Variants in FAM162B observed in about 807,000 individuals in gnomAD.
FAM162B encodes protein FAM162B.
FAM162B carries 16 observed loss-of-function variants against 20.0 expected under a neutral mutation model. The observed-to-expected ratio is 0.80, with a 90% CI of 0.54 to 1.21. The LOEUF is 1.21. Among genes scored for constraint, FAM162B ranks in the 50% most tolerant of loss-of-function variants. The pLI is 0.00. For synonymous variants in FAM162B, 83 were observed against 89.7 expected (o/e 0.93, Z 0.42); for missense variants, 260 against 227.5 (o/e 1.14, Z -0.92).
intron 2 of FAM162B, 37 bp downstream of exon 2, chr6:116,765,110 G>T: frequency 6.2e-7 from 1 of 1,601,574 alleles, no homozygotes. Context: ...TGCGGCCGGG[G>T]ACCGACTCTC....
intron 3 of FAM162B, 143 bp downstream of exon 3, chr6:116,761,834 A>G: frequency 1.9e-6 from 1 of 522,686 alleles, no homozygotes; most frequent in Non-Finnish European, 3.3e-6. Flanking sequence ...AATCGAGAAC[A>G]ATGTCCATGA....
At position 116,765,297 on chromosome 6, in the gene FAM162B, C is replaced by G. The variant is rs1192675945; in HGVS notation, c.173-42G>C. On this transcript the variant is annotated intron_variant, in intron 1 of 3. Coordinates refer to ENST00000368557, the MANE Select transcript of FAM162B (RefSeq NM_001085480.3). ...CCAGATGGACGCGGGAACTGACGCA[C>G]CGGCACAGAGGATCAGCGCGCCCTC... 2.5e-6 allele frequency: 4 copies of G among 1,602,784 alleles called. No homozygotes were observed. The Admixed American group carries it at 5.1e-5, about 20-fold the overall frequency.
In FAM162B at chr6:116,762,078, T is replaced by C. The variant is rs1346806900; in HGVS notation, c.289A>G (p.Met97Val). The stretch of plus-strand genomic sequence containing the variant: ...GCTTTGTTTCTTGCGGTGTCTATCA[T>C]TTCTGGCCTAAACAAAGATGTGTAT... ...EEIPPRIPPE[M>V]IDTARNKARV... is the part of the protein sequence containing the mutation. Residue 97 changes from methionine (M) to valine (V), a missense_variant, in exon 3 of 4, where the codon ATG (methionine) becomes GTG (valine). Transcript: ENST00000368557. 5.7e-6 allele frequency: 9 copies of C among 1,577,680 alleles called. No individual in the cohort carries two copies. Among genetic ancestry groups the C allele is most frequent in the African/African-American group, 4.0e-5 (3 of 74,646 alleles).
rs184749685 is a variant in FAM162B, at chr6:116,762,015, T to C, written c.352A>G (p.Ile118Val). 21 of 1,603,190 alleles carry C rather than the reference T, an allele frequency of 1.3e-5. No homozygotes were observed. In the Admixed American group the frequency reaches 2.8e-4, roughly 22 times the overall value. Residue 118 changes from isoleucine to valine, a missense_variant, in exon 3 of 4, where the codon ATT becomes GTT. Transcript: ENST00000368557. The part of the protein sequence containing the change: ...KACYIMIGLT[I>V]IACFAVIVSA... Reference sequence around the variant, plus strand: ...ACTATCACAGCAAAGCAGGCGATAATTGTGAGTCCAATCATTATGTAACAA... The same window carrying C: ...ACTATCACAGCAAAGCAGGCGATAACTGTGAGTCCAATCATTATGTAACAA...
Position 116,762,489 on chromosome 6 carries a change from GT to G in FAM162B, c.282-405del, listed in dbSNP as rs200063559. On this transcript the variant is annotated intron_variant, in intron 2 of 3. Coordinates refer to ENST00000368557, the MANE Select transcript of FAM162B (RefSeq NM_001085480.3). ...GTAGGCTTTGTTTTCCATTTGAACA[GT>G]TTTTTTTTTAAAACTCATTTTTATC... Among the ~76,000 whole-genome samples the G allele has an allele frequency of 3.7e-3, 387 of 103,316 alleles. 3 individuals carry two copies. The highest frequency in any genetic ancestry group is 0.017 in the African/African-American group (367 of 21,452). The allele number at this position is 103,316 out of a possible 152,430, so 67.8% of individuals were successfully genotyped here.
At chr6:116,755,817 C>T (rs1239913454) in intron 3 of FAM162B, among the ~76,000 whole-genome samples, 2 of 152,092 alleles carry the variant, frequency 1.3e-5, no homozygotes, top group Non-Finnish European at 2.9e-5. Flanking sequence ...TCTGCCTGTG[C>T]CACGAATGGA....
At chr6:116,760,149 G>A (rs1780122991) in intron 3 of FAM162B, among the ~76,000 whole-genome samples, 1 of 152,182 alleles carries the variant, frequency 6.6e-6, no homozygotes, top group Admixed American at 6.5e-5. Flanking sequence ...GTGCTCAAAA[G>A]TATTTAGTGT....
chr6:116,761,914 G>A (rs548531214), intron 3 of FAM162B, 63 bp downstream of exon 3: 3 of 1,207,444 alleles, frequency 2.5e-6, no homozygotes, highest in Non-Finnish European at 3.5e-6. Flanking sequence ...ACTCTTTTAG[G>A]GAGGTACTTA....
chr6:116,763,591 G>A (rs962438079), intron 2 of FAM162B, among the ~76,000 whole-genome samples: 46 of 152,136 alleles, frequency 3.0e-4, no homozygotes, highest in African/African-American at 1.1e-3. Flanking sequence ...TGATCTTGGG[G>A]AAATTACATT....
intron 3 of FAM162B, among the ~76,000 whole-genome samples, chr6:116,760,313 T>C (rs1027556446): frequency 2.0e-5 from 3 of 152,246 alleles, no homozygotes; most frequent in Non-Finnish European, 4.4e-5. Flanking sequence ...TATAATAGAA[T>C]TATATTTGAA....
Position 116,765,597 on chromosome 6 carries a change from C to A in FAM162B, c.-21G>T, listed in dbSNP as rs1037217704. On this transcript the variant is annotated 5_prime_UTR_variant, in exon 1 of 4. Coordinates refer to ENST00000368557, the MANE Select transcript of FAM162B (RefSeq NM_001085480.3). Reference sequence around the variant, plus strand: ...AGCATGCTGCCCGCTTGTCCCGCGCCGCACCCGCACCTCCGGACCCAGCCA... The same window carrying A: ...AGCATGCTGCCCGCTTGTCCCGCGCAGCACCCGCACCTCCGGACCCAGCCA... 2.3e-6 allele frequency: 3 copies of A among 1,306,132 alleles called. No individual in the cohort carries two copies. The highest frequency in any genetic ancestry group is 3.9e-5 in the Admixed American group (1 of 25,924). 80.9% of individuals were successfully genotyped at this position (1,306,132 alleles called of 1,614,324 possible).
In FAM162B at chr6:116,756,539, G is replaced by GGGTT. The variant is rs1415934222; in HGVS notation, c.391-3845_391-3844insAACC. On this transcript the variant is annotated intron_variant, in intron 3 of 3. Transcript: ENST00000368557. ...ATATTACATAAACTTAGTTAATAAAGTAGTGGTAGGGTTTGAGAGAACTGA... is the reference window on the plus strand; with the variant it reads ...ATATTACATAAACTTAGTTAATAAAGGGTTTAGTGGTAGGGTTTGAGAGAACTGA... Among the ~76,000 whole-genome samples the GGGTT allele has an allele frequency of 2.6e-5, 4 of 152,314 alleles. No individual in the cohort carries two copies. The East Asian group carries it at 7.7e-4, about 29-fold the overall frequency.
At chr6:116,762,137 G>C (rs1771794747) in intron 2 of FAM162B, 52 bp from the exon 3 acceptor site, 1 of 1,412,388 alleles carries the variant, frequency 7.1e-7, no homozygotes, top group Non-Finnish European at 9.6e-7. Context: ...ATGGTTTTCT[G>C]ACAGGCATGA....
chr6:116,765,644 T>G lies in FAM162B; in HGVS notation c.-68A>C. 5.6e-6 allele frequency: 7 copies of G among 1,249,866 alleles called. No homozygotes were observed. The highest frequency in any genetic ancestry group is 7.0e-6 in the Non-Finnish European group (7 of 999,020). 77.4% of individuals were successfully genotyped at this position (1,249,866 alleles called of 1,614,324 possible). On this transcript the variant is annotated 5_prime_UTR_variant, in exon 1 of 4. Coordinates refer to ENST00000368557, the MANE Select transcript of FAM162B (RefSeq NM_001085480.3). ...GCCACAGGCGTTGTCCCCGCAGCTC[T>G]CCTCGTCCCGCCCCGGCCTGCCGCG...
intron 2 of FAM162B, 67 bp downstream of exon 2, chr6:116,765,080 G>T: frequency 6.6e-7 from 1 of 1,516,226 alleles, no homozygotes; most frequent in Non-Finnish European, 9.1e-7. Flanking sequence ...GCGGTCGGAA[G>T]GTGGGTCACC....
intron 3 of FAM162B, among the ~76,000 whole-genome samples, chr6:116,754,409 T>C (rs1471486569): frequency 6.6e-6 from 1 of 152,186 alleles, no homozygotes; most frequent in East Asian, 1.9e-4. Context: ...CACCCAAGCA[T>C]TGAAACGTTG....
At chr6:116,759,559 G>T (rs1415269608) in intron 3 of FAM162B, among the ~76,000 whole-genome samples, 1 of 151,750 alleles carries the variant, frequency 6.6e-6, no homozygotes, top group African/African-American at 2.4e-5. Flanking sequence ...CGCCCGCCTC[G>T]GCCTCCCAAA....
intron 3 of FAM162B, 36 bp from the exon 4 acceptor site, chr6:116,752,731 T>TATATATATATATATATAGATAGATAG (rs1554259842): frequency 2.3e-6 from 1 of 426,160 alleles, no homozygotes; most frequent in African/African-American, 2.7e-5. Flanking sequence ...TATATATATA[T>TATATATATATATATATAGATAGATAG]ATAGATACAC....
chr6:116,765,102 C>A (rs641338), intron 2 of FAM162B, 45 bp downstream of exon 2: 767,363 of 1,591,942 alleles, frequency 0.48, 189,155 homozygotes, highest in African/African-American at 0.69. Context: ...CGCACCCTTG[C>A]GGCCGGGGAC....
Sources: gnomAD v4.1 joint callset for allele counts (sites outside exome capture counted in the v4.1 genomes callset) on GRCh38, gnomAD v4.1.1 for gene constraint, MANE v1.5 for transcripts, NCBI Gene and HGNC (gene_info 2026-07-23, HGNC 2026-07-21) for gene names.